Variants in NCKAP5 observed in about 807,000 individuals in gnomAD.
The protein encoded by NCKAP5 is nck-associated protein 5.
A neutral mutation model predicts 167.0 loss-of-function variants in NCKAP5; 92 were observed. The ratio of observed to expected loss-of-function variants is 0.55; its 90% CI spans 0.47 to 0.66. The LOEUF (loss-of-function observed/expected upper bound fraction) is 0.66. Among genes scored for constraint, NCKAP5 ranks in the 30% least tolerant of loss-of-function variants. The pLI is 0.00. For missense variants in NCKAP5, 2,378 were observed against 2,315.0 expected (o/e 1.03, Z -0.56); for synonymous variants, 891 against 877.4 (o/e 1.02, Z -0.27).
intron 16 of NCKAP5, among the ~76,000 whole-genome samples, chr2:132,748,677 T>C (rs1237691265): frequency 6.6e-6 from 1 of 152,214 alleles, no homozygotes; most frequent in African/African-American, 2.4e-5. Context: ...TCCATTATGT[T>C]GCTAGGATAT....
intron 5 of NCKAP5, among the ~76,000 whole-genome samples, chr2:133,165,607 T>C (rs961422386): frequency 3.3e-5 from 5 of 152,060 alleles, no homozygotes; most frequent in African/African-American, 1.2e-4. Flanking sequence ...GCTGGGGTGA[T>C]AGAACAAGCA....
At chr2:133,117,467 G>A (rs1399580057) in intron 6 of NCKAP5, 1 of 152,178 alleles carries the variant, frequency 6.6e-6, no homozygotes, top group Non-Finnish European at 1.5e-5. Flanking sequence ...TGGGTGCACT[G>A]AGACGGTAAC....
chr2:133,566,096 C>A (rs1688537053), intron 1 of NCKAP5, among the ~76,000 whole-genome samples: 1 of 152,070 alleles, frequency 6.6e-6, no homozygotes. Flanking sequence ...ATGTCAGGGA[C>A]AAGGAAGGCT....
intron 2 of NCKAP5, among the ~76,000 whole-genome samples, chr2:133,545,178 T>A (rs981017392): frequency 3.3e-5 from 5 of 152,164 alleles, no homozygotes; most frequent in African/African-American, 1.2e-4. Flanking sequence ...CAAGCTACAA[T>A]CAGTTTTTTC....
At chr2:133,460,338 G>C (rs980848499) in intron 3 of NCKAP5, among the ~76,000 whole-genome samples, 1 of 152,084 alleles carries the variant, frequency 6.6e-6, no homozygotes, top group Non-Finnish European at 1.5e-5. Context: ...CCTGATTTTA[G>C]AATTAATGGC....
chr2:133,557,479 A>G (rs1687823006), intron 2 of NCKAP5, among the ~76,000 whole-genome samples: 1 of 152,222 alleles, frequency 6.6e-6, no homozygotes, highest in Non-Finnish European at 1.5e-5. Context: ...ATAAAAAGAC[A>G]TATGAACGAA....
chr2:133,569,097 G>A (rs778027561), upstream of NCKAP5, among the ~76,000 whole-genome samples: 7 of 151,894 alleles, frequency 4.6e-5, no homozygotes, highest in Non-Finnish European at 2.9e-5. Context: ...CACCACCCCC[G>A]ACACTCCAAA....
chr2:132,992,860 T>C (rs916818570), intron 7 of NCKAP5, among the ~76,000 whole-genome samples: 3 of 152,208 alleles, frequency 2.0e-5, no homozygotes, highest in African/African-American at 7.2e-5. Context: ...GTCAACTCTT[T>C]GCATTATATT....
chr2:133,083,108 T>C (rs979902935), intron 6 of NCKAP5, among the ~76,000 whole-genome samples: 3 of 152,074 alleles, frequency 2.0e-5, no homozygotes, highest in Non-Finnish European at 4.4e-5. Flanking sequence ...TCTCTTTAAG[T>C]GGTGTTAAGA....
At chr2:133,162,778 C>A (rs1168858424) in intron 5 of NCKAP5, among the ~76,000 whole-genome samples, 2 of 152,062 alleles carry the variant, frequency 1.3e-5, no homozygotes, top group African/African-American at 4.8e-5. Context: ...AAACTGAGAG[C>A]TTTCAAAGCC....
At chr2:133,386,776 G>T (rs1687001193) in intron 3 of NCKAP5, among the ~76,000 whole-genome samples, 2 of 152,134 alleles carry the variant, frequency 1.3e-5, no homozygotes, top group Admixed American at 1.3e-4. Context: ...TCTTCTTGTT[G>T]AATTGATCCC....
the NCKAP5 span, among the ~76,000 whole-genome samples, chr2:133,592,067 C>T: frequency 6.6e-6 from 1 of 150,392 alleles, no homozygotes; most frequent in Non-Finnish European, 1.5e-5. Flanking sequence ...TCTACACACA[C>T]ACACACACAC....
chr2:133,600,489 C>T, the NCKAP5 span, among the ~76,000 whole-genome samples: 8,529 of 152,262 alleles, frequency 0.056, 571 homozygotes, highest in East Asian at 0.35. Flanking sequence ...GCCGTCGGGG[C>T]GCCTTTGAGA....
intron 6 of NCKAP5, among the ~76,000 whole-genome samples, chr2:133,047,453 T>A (rs2149474895): frequency 6.6e-6 from 1 of 152,320 alleles, no homozygotes; most frequent in Middle Eastern, 3.4e-3. Flanking sequence ...AAAAAGACAA[T>A]GAAAGAAAAC....
rs1229944437 is a variant in NCKAP5, at chr2:133,444,819, C to T, written c.69+72639G>A. On this transcript the variant is annotated intron_variant, in intron 3 of 19. Coordinates refer to ENST00000409261, the MANE Select transcript of NCKAP5 (RefSeq NM_207363.3). ...CCTCTGACTAGCGCTGGCCTTGCTG[C>T]TCCTTTGAATCCATCGCAACATTTC... Among the ~76,000 whole-genome samples the T allele has an allele frequency of 5.3e-5, 8 of 152,298 alleles. No homozygotes were observed. The South Asian group carries it at 1.2e-3, about 24-fold the overall frequency.
chr2:133,305,744 T>A (rs2150582429), intron 3 of NCKAP5, among the ~76,000 whole-genome samples: 1 of 152,316 alleles, frequency 6.6e-6, no homozygotes, highest in South Asian at 2.1e-4. Context: ...GTTTTCCATA[T>A]AAATAACTAT....
intron 13 of NCKAP5, among the ~76,000 whole-genome samples, chr2:132,789,579 GCTCTTTCCTTTT>G (rs1683880896): frequency 6.6e-6 from 1 of 152,166 alleles, no homozygotes; most frequent in African/African-American, 2.4e-5. Flanking sequence ...ATTCTTGTGT[GCTCTTTCCTTTT>G]CTCCAACATT....
At chr2:132,920,208 A>G (rs953842717) in intron 8 of NCKAP5, among the ~76,000 whole-genome samples, 3 of 152,038 alleles carry the variant, frequency 2.0e-5, no homozygotes, top group African/African-American at 4.8e-5. Flanking sequence ...TATCTATGCC[A>G]GCTCTGAAGT....
At chr2:133,374,263 A>G (rs139287352) in intron 3 of NCKAP5, among the ~76,000 whole-genome samples, 1 of 152,202 alleles carries the variant, frequency 6.6e-6, no homozygotes, top group African/African-American at 2.4e-5. Context: ...TCTGAAAAGT[A>G]CTGTATGATT....
Sources: gnomAD v4.1 joint callset for allele counts (sites outside exome capture counted in the v4.1 genomes callset) on GRCh38, gnomAD v4.1.1 for gene constraint, MANE v1.5 for transcripts, NCBI Gene and HGNC (gene_info 2026-07-23, HGNC 2026-07-21) for gene names.